PCSK2: variants seen among roughly 807,000 people sequenced by gnomAD.
PCSK2 encodes neuroendocrine convertase 2.
Under a neutral mutation model 69.7 loss-of-function variants are expected in PCSK2, and 14 were observed. The observed-to-expected ratio is 0.20, with a 90% CI of 0.13 to 0.31. The LOEUF is 0.31. Ranked by LOEUF, PCSK2 falls within the 10% of genes least tolerant of loss-of-function variation. PCSK2 has a pLI of 1.00. For synonymous variants in PCSK2, 307 were observed against 320.7 expected (o/e 0.96, Z 0.46); for missense variants, 544 against 842.5 (o/e 0.65, Z 4.39).
At chr20:17,449,252 G>A (rs1202347447) in intron 8 of PCSK2, among the ~76,000 whole-genome samples, 12 of 152,110 alleles carry the variant, frequency 7.9e-5, no homozygotes, top group East Asian at 3.9e-4. Flanking sequence ...TGGAGACCCC[G>A]CCCCCCAGCA....
intron 8 of PCSK2, among the ~76,000 whole-genome samples, chr20:17,452,695 G>T (rs901975359): frequency 6.6e-6 from 1 of 152,208 alleles, no homozygotes. Flanking sequence ...CTTGCCTCCG[G>T]CACTGCATGG....
chr20:17,279,769 A>T (rs1349387825), intron 2 of PCSK2, among the ~76,000 whole-genome samples: 1 of 146,580 alleles, frequency 6.8e-6, no homozygotes, highest in African/African-American at 2.6e-5. Flanking sequence ...CCTGGGCAAC[A>T]GGAGCGAAAC....
At chr20:17,307,335 G>A (rs188309062) in intron 2 of PCSK2, among the ~76,000 whole-genome samples, 6 of 152,296 alleles carry the variant, frequency 3.9e-5, no homozygotes, top group Non-Finnish European at 1.5e-5. Context: ...AGAAAGAAGA[G>A]TCAAATTTGA....
intron 7 of PCSK2, among the ~76,000 whole-genome samples, chr20:17,434,017 TTC>T (rs1262901129): frequency 7.7e-6 from 1 of 130,488 alleles, no homozygotes; most frequent in African/African-American, 2.9e-5. Context: ...TCTCTCTACC[TTC>T]TCTCTCTCTC....
At chr20:17,275,968 T>C (rs902945282) in intron 2 of PCSK2, among the ~76,000 whole-genome samples, 2 of 152,112 alleles carry the variant, frequency 1.3e-5, no homozygotes, top group African/African-American at 4.8e-5. Flanking sequence ...AATAATAATA[T>C]TACTTATCTG....
At chr20:17,278,105 C>A (rs1317036500) in intron 2 of PCSK2, among the ~76,000 whole-genome samples, 1 of 152,188 alleles carries the variant, frequency 6.6e-6, no homozygotes. Flanking sequence ...AATAGGAACA[C>A]TTTTACACAG....
intron 8 of PCSK2, among the ~76,000 whole-genome samples, chr20:17,443,906 AAT>A (rs1459942871): frequency 6.6e-6 from 1 of 152,238 alleles, no homozygotes; most frequent in Non-Finnish European, 1.5e-5. Context: ...TATGATGAAA[AAT>A]ACATTATTTC....
intron 7 of PCSK2, among the ~76,000 whole-genome samples, chr20:17,435,717 G>A (rs928685814): frequency 2.6e-5 from 4 of 152,190 alleles, no homozygotes; most frequent in Non-Finnish European, 5.9e-5. Flanking sequence ...AGCTTCACTA[G>A]CACTCTAAGC....
chr20:17,347,932 A>G, intron 2 of PCSK2, among the ~76,000 whole-genome samples: 2 of 54,202 alleles, frequency 3.7e-5, no homozygotes, highest in African/African-American at 1.7e-4. Flanking sequence ...AGAGAGAAAA[A>G]AGAGAAAGAA....
In PCSK2 at chr20:17,424,120, TA is replaced by T. The variant is rs773137986; in HGVS notation, c.621-5314del. Among the ~76,000 whole-genome samples, 103 of 152,328 alleles carry T rather than the reference TA, an allele frequency of 6.8e-4. 3 individuals are homozygous for T. Among genetic ancestry groups the T allele is most frequent in the Non-Finnish European group, 3.5e-4 (24 of 68,014 alleles). On this transcript the variant is annotated intron_variant, in intron 6 of 11. Coordinates refer to ENST00000262545, the MANE Select transcript of PCSK2 (RefSeq NM_002594.5). The stretch of plus-strand genomic sequence containing the variant: ...ATGTTTCTTTTCAAATTATTTGTAA[TA>T]GCAAGCAAATTGCAAACAAATTAAA...
intron 2 of PCSK2, among the ~76,000 whole-genome samples, chr20:17,333,707 C>T (rs1254684270): frequency 6.6e-6 from 1 of 151,848 alleles, no homozygotes; most frequent in Admixed American, 6.6e-5. Context: ...TTCAAACAGC[C>T]AGGGTTCAAA....
intron 2 of PCSK2, among the ~76,000 whole-genome samples, chr20:17,275,633 A>G (rs1600438108): frequency 6.6e-6 from 1 of 152,204 alleles, no homozygotes; most frequent in South Asian, 2.1e-4. Context: ...CTCAAATAAA[A>G]TTATCTTTAA....
At chr20:17,469,664 C>T (rs189601809) in intron 11 of PCSK2, among the ~76,000 whole-genome samples, 2 of 152,262 alleles carry the variant, frequency 1.3e-5, no homozygotes, top group African/African-American at 2.4e-5. Context: ...AATCAGCTCC[C>T]GTGCATACAG....
intron 4 of PCSK2, among the ~76,000 whole-genome samples, chr20:17,363,702 C>T (rs932585643): frequency 7.9e-5 from 12 of 152,132 alleles, no homozygotes; most frequent in East Asian, 3.9e-4. Flanking sequence ...GGAAGGCCAG[C>T]GAGCTAAGGT....
At chr20:17,291,599 T>C (rs1988695144) in intron 2 of PCSK2, among the ~76,000 whole-genome samples, 1 of 152,188 alleles carries the variant, frequency 6.6e-6, no homozygotes, top group Admixed American at 6.5e-5. Context: ...ATATTTGTAA[T>C]TTTGATGGAT....
intron 1 of PCSK2, among the ~76,000 whole-genome samples, chr20:17,249,811 A>G (rs1289754273): frequency 6.6e-6 from 1 of 151,972 alleles, no homozygotes; most frequent in Non-Finnish European, 1.5e-5. Context: ...ATAAAGACAG[A>G]GTGTAGAAAG....
intron 2 of PCSK2, among the ~76,000 whole-genome samples, chr20:17,324,850 G>T (rs1989991863): frequency 6.6e-6 from 1 of 152,126 alleles, no homozygotes; most frequent in Non-Finnish European, 1.5e-5. Context: ...AATAATCAGG[G>T]TGCTCAAATA....
At chr20:17,361,106 T>C (rs2030375992) in intron 4 of PCSK2, among the ~76,000 whole-genome samples, 1 of 152,218 alleles carries the variant, frequency 6.6e-6, no homozygotes, top group Non-Finnish European at 1.5e-5. Flanking sequence ...CTCAAGTTCT[T>C]GATATCCACA....
Position 17,334,052 on chromosome 20 carries a change from T to G in PCSK2, c.283-24275T>G, listed in dbSNP as rs1403908017. Among the ~76,000 whole-genome samples the G allele has an allele frequency of 2.6e-5, 4 of 151,808 alleles. No homozygotes were observed. The East Asian group carries it at 7.8e-4, about 30-fold the overall frequency. On this transcript the variant is annotated intron_variant, in intron 2 of 11. Coordinates refer to ENST00000262545, the MANE Select transcript of PCSK2 (RefSeq NM_002594.5). Reference sequence around the variant, plus strand: ...CAGAGACCCAGAAAGGTTAAATAACTTGCCCAAGTAACACAGCTTGTCAGT... The same window carrying G: ...CAGAGACCCAGAAAGGTTAAATAACGTGCCCAAGTAACACAGCTTGTCAGT...
Sources: gnomAD v4.1 joint callset for allele counts (sites outside exome capture counted in the v4.1 genomes callset) on GRCh38, gnomAD v4.1.1 for gene constraint, MANE v1.5 for transcripts, NCBI Gene and HGNC (gene_info 2026-07-23, HGNC 2026-07-21) for gene names.